The following SMCHD1 variants were observed in gnomAD, a reference collection of about 807,000 sequenced individuals.
SMCHD1 encodes structural maintenance of chromosomes flexible hinge domain-containing protein 1.
SMCHD1 carries 78 observed loss-of-function variants against 254.7 expected under a neutral mutation model. That is an observed-to-expected ratio of 0.31 (90% confidence interval 0.26 to 0.37). SMCHD1 has a LOEUF of 0.37. SMCHD1 is among the 10% of genes least tolerant of loss of function. SMCHD1 has a pLI of 1.00. For synonymous variants in SMCHD1, 766 were observed against 794.9 expected (o/e 0.96, Z 0.61); for missense variants, 1,840 against 2,408.1 (o/e 0.76, Z 4.94).
intron 21 of SMCHD1, among the ~76,000 whole-genome samples, chr18:2,725,492 T>TA (rs992215251): frequency 2.0e-5 from 3 of 151,624 alleles, no homozygotes; most frequent in African/African-American, 7.3e-5. Flanking sequence ...TTTGTTGGTC[T>TA]AAAAAAAACA....
chr18:2,667,073 G>A, intron 3 of SMCHD1, 42 bp downstream of exon 3: 1 of 1,395,768 alleles, frequency 7.2e-7, no homozygotes, highest in Non-Finnish European at 9.8e-7. Context: ...ATTATTACCT[G>A]CCTTTATCCC....
At chr18:2,742,811 G>A (rs937932788) in intron 28 of SMCHD1, among the ~76,000 whole-genome samples, 1 of 151,894 alleles carries the variant, frequency 6.6e-6, no homozygotes, top group Non-Finnish European at 1.5e-5. Context: ...CAACTAGCTA[G>A]GACTATAGAC....
rs147688395 is a variant in SMCHD1, at chr18:2,776,627, G to A, written c.5366+703G>A. On this transcript the variant is annotated intron_variant, in intron 42 of 47. Coordinates refer to ENST00000320876, the MANE Select transcript of SMCHD1 (RefSeq NM_015295.3). ...TGTATAGCAGAGTATTTATTAGTCA[G>A]TATTTTCTCAGATTACTAAACAAAG... Among the ~76,000 whole-genome samples the A allele has an allele frequency of 3.9e-3, 588 of 152,268 alleles. 3 individuals are homozygous for A. The highest frequency in any genetic ancestry group is 0.014 in the African/African-American group (576 of 41,548).
At chr18:2,708,915 T>TATATATATATATATATATAAC (rs1568199419) in intron 17 of SMCHD1, among the ~76,000 whole-genome samples, 4 of 90,454 alleles carry the variant, frequency 4.4e-5, no homozygotes, top group Non-Finnish European at 8.8e-5. Context: ...TATAACATAT[T>TATATATATATATATATATAAC]AACATGAAAT....
chr18:2,718,390 C>T lies in SMCHD1; in HGVS notation c.2414C>T (p.Ala805Val), dbSNP rs748652710. Residue 805 changes from alanine (A) to valine (V), a missense_variant, in exon 19 of 48, where the codon GCA (alanine) becomes GTA (valine). Coordinates refer to ENST00000320876, the MANE Select transcript of SMCHD1 (RefSeq NM_015295.3). This position sits in a 1 kb window ranked among gnomAD's most constrained non-coding sequence, Gnocchi z 4.6. ...VLNESNADTY[A>V]GRPLPSKAIK... is the part of the protein sequence containing the mutation. ...AATGAAAGTAATGCAGACACTTATG[C>T]AGGAAGACCACTACCATCTAAAGCA... is the stretch of plus-strand genomic sequence containing the variant. The T allele has an allele frequency of 1.2e-6, 2 of 1,612,392 alleles. No individual in the cohort carries two copies. The highest frequency in any genetic ancestry group is 1.7e-6 in the Non-Finnish European group (2 of 1,178,862).
intron 37 of SMCHD1, among the ~76,000 whole-genome samples, chr18:2,764,750 T>TA (rs2075839759): frequency 1.3e-5 from 2 of 152,188 alleles, no homozygotes; most frequent in Non-Finnish European, 2.9e-5. Flanking sequence ...TGTATGCAAA[T>TA]ACGACACCAT....
At position 2,743,906 on chromosome 18, in the gene SMCHD1, T is replaced by TA. The variant is rs1465144369; in HGVS notation, c.3780dup (p.Asp1261ArgfsTer13). 1 of 1,612,448 alleles carries TA rather than the reference T, an allele frequency of 6.2e-7. No individual in the cohort carries two copies. The highest frequency in any genetic ancestry group is 1.3e-5 in the African/African-American group (1 of 74,840). On this transcript the variant is annotated frameshift_variant, in exon 29 of 48. Coordinates refer to ENST00000320876, the MANE Select transcript of SMCHD1 (RefSeq NM_015295.3). LOFTEE classifies it high-confidence loss of function. Reference sequence around the variant, plus strand: ...GGACCTCCTGCTAAACTTCTCCTTATAGACTGGCCAGAACTAAAGGAGGTA... The same window carrying TA: ...GGACCTCCTGCTAAACTTCTCCTTATAAGACTGGCCAGAACTAAAGGAGGTA...
intron 1 of SMCHD1, among the ~76,000 whole-genome samples, chr18:2,664,936 G>A (rs1293934813): frequency 6.6e-6 from 1 of 152,202 alleles, no homozygotes; most frequent in African/African-American, 2.4e-5. Context: ...TGACAAGTTG[G>A]TGCCCTAGCT....
chr18:2,662,472 C>G (rs912728659), intron 1 of SMCHD1, among the ~76,000 whole-genome samples: 1 of 151,062 alleles, frequency 6.6e-6, no homozygotes, highest in Admixed American at 6.6e-5. Flanking sequence ...TGGTGAAACT[C>G]TGTCTCTACT....
chr18:2,749,912 T>A, intron 30 of SMCHD1, 131 bp from the exon 31 acceptor site: 1 of 743,884 alleles, frequency 1.3e-6, no homozygotes. Context: ...TTTTTAAAAT[T>A]TAGATTTTAG....
intron 5 of SMCHD1, among the ~76,000 whole-genome samples, chr18:2,681,820 C>A (rs1000796167): frequency 6.6e-6 from 1 of 152,006 alleles, no homozygotes. Context: ...ACTTGCCCAT[C>A]AATTAAAAGG....
intron 17 of SMCHD1, among the ~76,000 whole-genome samples, chr18:2,716,082 T>G (rs140461425): frequency 3.2e-4 from 49 of 152,210 alleles, no homozygotes; most frequent in African/African-American, 1.2e-3. Context: ...TCCTTGATGA[T>G]GTGTCTATGA....
intron 45 of SMCHD1, among the ~76,000 whole-genome samples, chr18:2,785,186 C>G (rs187624337): frequency 1.3e-5 from 2 of 152,256 alleles, no homozygotes; most frequent in East Asian, 3.9e-4. Context: ...CATATACTTA[C>G]CAGGAAGTCT....
chr18:2,738,426 A>G lies in SMCHD1; in HGVS notation c.3306A>G (p.Glu1102=). 6.2e-7 allele frequency: 1 copy of G among 1,608,056 alleles called. No homozygotes were observed. The highest frequency in any genetic ancestry group is 8.5e-7 in the Non-Finnish European group (1 of 1,176,912). ...KVNWTPEINK[E]HLLQGLLPDV... is the part of the protein sequence containing the mutation. ...ATTGGACTCCTGAGATTAACAAAGAACACTTGCTACAGGGTCTGCTTCCTG... is the reference window on the plus strand; with the variant it reads ...ATTGGACTCCTGAGATTAACAAAGAGCACTTGCTACAGGGTCTGCTTCCTG... The change falls in exon 26 of 48, where the codon GAA becomes GAG. Residue 1102 remains glutamate, a synonymous_variant. Transcript: ENST00000320876.
chr18:2,785,304 T>G (rs1468397322), intron 45 of SMCHD1, among the ~76,000 whole-genome samples: 1 of 152,216 alleles, frequency 6.6e-6, no homozygotes, highest in Non-Finnish European at 1.5e-5. Context: ...TTAACTTTCT[T>G]TTAATTGAAA....
Position 2,708,880 on chromosome 18 carries a change from A to G in SMCHD1, c.2260+960A>G, listed in dbSNP as rs867792528. Among the ~76,000 whole-genome samples, 29 of 60,868 alleles carry G rather than the reference A, an allele frequency of 4.8e-4. 2 individuals carry two copies. The highest frequency in any genetic ancestry group is 2.7e-3 in the African/African-American group (29 of 10,570). The allele number at this position is 60,868 out of a possible 152,430, so 39.9% of individuals were successfully genotyped here. ...TTTCAATAACTTCATATATATATATATATATATATATATATATATATATAT... is the reference window on the plus strand; with the variant it reads ...TTTCAATAACTTCATATATATATATGTATATATATATATATATATATATAT... On this transcript the variant is annotated intron_variant, in intron 17 of 47. Transcript: ENST00000320876.
chr18:2,722,695 T>G, intron 20 of SMCHD1, 32 bp downstream of exon 20: 2 of 1,564,432 alleles, frequency 1.3e-6, no homozygotes, highest in African/African-American at 2.7e-5. Flanking sequence ...TATTTGTCCT[T>G]TGATATTTGC....
chr18:2,795,769 G>T (rs2076252583), intron 45 of SMCHD1, among the ~76,000 whole-genome samples, 180 bp from the exon 46 acceptor site: 1 of 152,186 alleles, frequency 6.6e-6, no homozygotes, highest in Admixed American at 6.5e-5. Context: ...TAACAATTTT[G>T]TGCTGGGATC....
Position 2,699,330 on chromosome 18 carries a change from CT to C in SMCHD1, c.1343-1204del, listed in dbSNP as rs1401287639. On this transcript the variant is annotated intron_variant, in intron 10 of 47. Coordinates refer to ENST00000320876, the MANE Select transcript of SMCHD1 (RefSeq NM_015295.3). ...ATTGTTACTCAGTGGCTCCACTGGC[CT>C]TTTTGGTTTTGTTTTTTATTTTTTG... 7.9e-5 allele frequency among the ~76,000 whole-genome samples: 12 copies of C among 152,180 alleles called. No homozygotes were observed. The East Asian group carries it at 2.3e-3, about 29-fold the overall frequency.
Sources: allele counts gnomAD v4.1 joint callset (sites outside exome capture counted in the v4.1 genomes callset), GRCh38; gene constraint gnomAD v4.1.1; non-coding constraint Gnocchi (gnomAD v3.1); transcripts MANE v1.5; gene names NCBI Gene and HGNC (gene_info 2026-07-23, HGNC 2026-07-21).